Variants in KRT84 observed in about 807,000 individuals in gnomAD.
The protein encoded by KRT84 is keratin 84.
Under a neutral mutation model 49.0 loss-of-function variants are expected in KRT84, and 38 were observed. That is an observed-to-expected ratio of 0.78 (90% CI 0.60 to 1.02). The LOEUF (loss-of-function observed/expected upper bound fraction) is 1.02. Among genes scored for constraint, KRT84 ranks in the 50% least tolerant of loss-of-function variants. The probability of loss-of-function intolerance (pLI) is 0.00; values close to 1 mark genes in which losing one functional copy is unlikely to be tolerated. For synonymous variants in KRT84, 334 were observed against 312.8 expected, an observed-to-expected ratio of 1.07 and a Z score of -0.72; for missense variants, 860 against 788.6, an observed-to-expected ratio of 1.09 and a Z score of -1.08.
At chr12:52,384,075 C>T (rs1241921404) in intron 1 of KRT84, among the ~76,000 whole-genome samples, 1 of 152,230 alleles carries the variant, frequency 6.6e-6, no homozygotes, top group African/African-American at 2.4e-5. Context: ...TACACTGGTA[C>T]ATCAGGAAGT....
Position 52,385,146 on chromosome 12 carries a change from A to C in KRT84, c.440T>G (p.Leu147Arg). The change falls in exon 1 of 9, where the codon CTG becomes CGG. Residue 147 changes from leucine (L) to arginine (R), a missense_variant. By Grantham distance (102) the Leu-to-Arg change is moderately radical. Transcript: ENST00000257951. ...GTCAATCTCCAGGTTGAGGGGGGTC[A>C]GTAGGCTCTTGTTCACAGTCACAGC... is the stretch of plus-strand genomic sequence containing the variant. ...ITAVTVNKSL[L>R]TPLNLEIDPN... The C allele has an allele frequency of 6.3e-7, 1 of 1,599,458 alleles. No individual in the cohort carries two copies. The highest frequency in any genetic ancestry group is 1.1e-5 in the South Asian group (1 of 88,198).
rs143675690 is a variant in KRT84, at chr12:52,382,564, C to T, written c.817-32G>A. The T allele has an allele frequency of 8.2e-5, 127 of 1,544,062 alleles. No individual in the cohort carries two copies. The African/African-American group carries it at 1.1e-3, about 13-fold the overall frequency. On this transcript the variant is annotated intron_variant, in intron 3 of 8. Transcript: ENST00000257951. ...AAAACAGAGAAGGATAAATACTCAT[C>T]GCCTGGGCACTGTTTCACCTTCCCA...
rs912210237 is a variant in KRT84 at position 52,385,280 on chromosome 12, A to C, written c.306T>G (p.Cys102Trp). The change falls in exon 1 of 9, where the codon TGT (cysteine) becomes TGG (tryptophan). Residue 102 changes from cysteine (C) to tryptophan (W), a missense_variant. Physicochemically the swap from Cys to Trp is radical, Grantham distance 215 (BLOSUM62 -2). Transcript: ENST00000257951. ...TGCCAGCTCCAAAGCCCAGACCAAC[A>C]CAGCTGTCAGCCCTAGGCCCCAGAC... ...GVGLGPRADS[C>W]VGLGFGAGSG... 1 of 1,613,890 alleles carries C rather than the reference A, an allele frequency of 6.2e-7. No individual in the cohort carries two copies. Among genetic ancestry groups the C allele is most frequent in the Non-Finnish European group, 8.5e-7 (1 of 1,180,016 alleles).
intron 8 of KRT84, among the ~76,000 whole-genome samples, 189 bp from the exon 9 acceptor site, chr12:52,378,569 T>G (rs1012406564): frequency 6.6e-6 from 1 of 152,236 alleles, no homozygotes; most frequent in Admixed American, 6.5e-5. Context: ...TCAAAGACTG[T>G]GACTACATTA....
rs1939529420 is a variant in KRT84 at position 52,383,826 on chromosome 12, T to C, written c.547-28A>G. 4 of 1,581,282 alleles carry C rather than the reference T, an allele frequency of 2.5e-6. No homozygotes were observed. The East Asian group carries it at 8.9e-5, about 35-fold the overall frequency. ...AAATCCACAGGGCACAGAAATGGCA[T>C]TTGAAGTGCTTGATAGGGTTCATGC... On this transcript the variant is annotated intron_variant, in intron 1 of 8. Coordinates refer to ENST00000257951, the MANE Select transcript of KRT84 (RefSeq NM_033045.4).
rs746720839 is a variant in KRT84, at chr12:52,382,545, G to A, written c.817-13C>T. On this transcript the variant is annotated splice_polypyrimidine_tract_variant and intron_variant, in intron 3 of 8. Coordinates refer to ENST00000257951, the MANE Select transcript of KRT84 (RefSeq NM_033045.4). Reference sequence around the variant, plus strand: ...CTGCATCCACATCCTGTATAAAACAGAGAAGGATAAATACTCATCGCCTGG... The same window carrying A: ...CTGCATCCACATCCTGTATAAAACAAAGAAGGATAAATACTCATCGCCTGG... 6.2e-7 allele frequency: 1 copy of A among 1,604,780 alleles called. No homozygotes were observed. Among genetic ancestry groups the A allele is most frequent in the Non-Finnish European group, 8.5e-7 (1 of 1,171,568 alleles).
At chr12:52,379,568 G>T (rs1732292) in intron 8 of KRT84, among the ~76,000 whole-genome samples, 48,912 of 152,052 alleles carry the variant, frequency 0.32, 9,904 homozygotes, top group African/African-American at 0.57. Flanking sequence ...CTAAGTCCCA[G>T]TCCTTCTAAG....
At chr12:52,385,685 T>C, upstream of KRT84, 1 of 1,146,688 alleles carries the variant, frequency 8.7e-7, no homozygotes. Context: ...CCCTTTTATG[T>C]GTGTGGTGAT....
At chr12:52,383,350 C>T (rs1939515591) in intron 2 of KRT84, among the ~76,000 whole-genome samples, 1 of 152,172 alleles carries the variant, frequency 6.6e-6, no homozygotes, top group Non-Finnish European at 1.5e-5. Flanking sequence ...AGGATCATTG[C>T]ATTTGACTAT....
chr12:52,385,219 C>A lies in KRT84; in HGVS notation c.367G>T (p.Gly123Cys), dbSNP rs36004911. Residue 123 changes from glycine to cysteine, a missense_variant, in exon 1 of 9, where the codon GGT (glycine) becomes TGT (cysteine). Gly to Cys is a radical substitution (Grantham distance 159). Coordinates refer to ENST00000257951, the MANE Select transcript of KRT84 (RefSeq NM_033045.4). ...ACTCCAACCCCTCCAACTCTGTAAC[C>A]AAAGCCAGGGCCACCAAAGCCATAG... ...IGYGFGGPGF[G>C]YRVGGVGVPA... is the part of the protein sequence containing the mutation. 8.0e-4 allele frequency: 1,286 copies of A among 1,613,622 alleles called. 14 individuals are homozygous for A. In the African/African-American group the frequency reaches 0.015, roughly 19 times the overall value.
chr12:52,385,000 G>A, intron 1 of KRT84, 40 bp downstream of exon 1: 1 of 1,564,968 alleles, frequency 6.4e-7, no homozygotes, highest in East Asian at 2.2e-5. Flanking sequence ...CATTTTGGCT[G>A]TAATATTCCT....
Position 52,383,587 on chromosome 12 carries a change from C to T in KRT84, c.755+3G>A, listed in dbSNP as rs1233081322. The T allele has an allele frequency of 3.1e-6, 5 of 1,611,824 alleles. No individual in the cohort carries two copies. On this transcript the variant is annotated splice_donor_region_variant and intron_variant, in intron 2 of 8. Coordinates refer to ENST00000257951, the MANE Select transcript of KRT84 (RefSeq NM_033045.4). The stretch of plus-strand genomic sequence containing the variant: ...TGGTCTGTGCAGCTCAGATGTCACT[C>T]ACTTCTTCTTGAAGCCCTCTAGGAC...
chr12:52,380,696 G>A, intron 6 of KRT84, 113 bp from the exon 7 acceptor site: 1 of 1,111,974 alleles, frequency 9.0e-7, no homozygotes, highest in Non-Finnish European at 1.3e-6. Context: ...AGGCAGGGAT[G>A]GACCCCATGG....
chr12:52,383,501 C>G, intron 2 of KRT84, 89 bp downstream of exon 2: 1 of 827,664 alleles, frequency 1.2e-6, no homozygotes, highest in Non-Finnish European at 1.8e-6. Context: ...CAACCCTGAT[C>G]CTTCCAGCTG....
At position 52,379,859 on chromosome 12, in the gene KRT84, A is replaced by G. The variant is rs1471860880; in HGVS notation, c.1456+17T>C. 1.2e-6 allele frequency: 2 copies of G among 1,605,114 alleles called. No homozygotes were observed. The highest frequency in any genetic ancestry group is 1.7e-6 in the Non-Finnish European group (2 of 1,172,088). On this transcript the variant is annotated intron_variant, in intron 8 of 8. Coordinates refer to ENST00000257951, the MANE Select transcript of KRT84 (RefSeq NM_033045.4). ...AGAGGAGAGAAATGTGTGAAGAGGA[A>G]AAAACAAGTTTCTTACATATGTTTA...
At chr12:52,380,120 G>T (rs1230107445) in intron 7 of KRT84, among the ~76,000 whole-genome samples, 1 of 152,146 alleles carries the variant, frequency 6.6e-6, no homozygotes, top group Non-Finnish European at 1.5e-5. Context: ...ATCATTAGTA[G>T]TAATTTTAGC....
In KRT84 at chr12:52,385,184, G is replaced by C. The variant is rs370644585; in HGVS notation, c.402C>G (p.Ala134=). The C allele has an allele frequency of 3.6e-5, 58 of 1,608,750 alleles. No homozygotes were observed. Among genetic ancestry groups the C allele is most frequent in the East Asian group, 8.9e-5 (4 of 44,792 alleles). Residue 134 remains alanine, a synonymous_variant, in exon 1 of 9, where the codon GCC becomes GCG. Transcript: ENST00000257951. The part of the protein sequence containing the change: ...YRVGGVGVPA[A]PSITAVTVNK... ...TCACAGTCACAGCTGTGATAGATGG[G>C]GCTGCTGGGACTCCAACCCCTCCAA...
intron 8 of KRT84, among the ~76,000 whole-genome samples, chr12:52,378,876 T>C (rs1939433334): frequency 6.6e-6 from 1 of 152,212 alleles, no homozygotes; most frequent in South Asian, 2.1e-4. Context: ...GTGGCTGTGC[T>C]CTGTAGCCCT....
Position 52,383,757 on chromosome 12 carries a change from C to G in KRT84, c.588G>C (p.Lys196Asn), listed in dbSNP as rs770756382. Residue 196 changes from lysine to asparagine, a missense_variant, in exon 2 of 9, where the codon AAG becomes AAC. By Grantham distance (94) the Lys-to-Asn change is moderately conservative. Transcript: ENST00000257951. ...ATTTCTGCTCTTGGAGGAAGCTCCA[C>G]TTGGTCTCTAGGAGCTTATTCTGCT... is the stretch of plus-strand genomic sequence containing the variant. ...LEQQNKLLET[K>N]WSFLQEQKCI... 6.2e-7 allele frequency: 1 copy of G among 1,613,876 alleles called. No homozygotes were observed. The highest frequency in any genetic ancestry group is 8.5e-7 in the Non-Finnish European group (1 of 1,179,824).
Sources: allele counts gnomAD v4.1 joint callset (sites outside exome capture counted in the v4.1 genomes callset), GRCh38; gene constraint gnomAD v4.1.1; transcripts MANE v1.5; gene names NCBI Gene and HGNC (gene_info 2026-07-23, HGNC 2026-07-21).